The following GSDME variants were observed in gnomAD, a reference collection of about 807,000 sequenced individuals.
GSDME encodes gasdermin-E.
In GSDME, 44 loss-of-function variants were observed where a neutral mutation model predicts 47.5. The observed-to-expected ratio is 0.93, with a 90% CI of 0.73 to 1.19. The LOEUF (loss-of-function observed/expected upper bound fraction) is 1.19, where lower values mean the gene tolerates loss of function less well. GSDME is among the 50% of genes most tolerant of loss of function. The probability of loss-of-function intolerance (pLI) is 0.00; values close to 1 mark genes in which losing one functional copy is unlikely to be tolerated. For synonymous variants in GSDME, 258 were observed against 252.8 expected (o/e 1.02, Z -0.20); for missense variants, 663 against 604.2 (o/e 1.10, Z -1.02).
At chr7:24,701,637 C>A (rs1480003026) in intron 9 of GSDME, among the ~76,000 whole-genome samples, 1 of 152,206 alleles carries the variant, frequency 6.6e-6, no homozygotes. Flanking sequence ...TTGTTTTGCT[C>A]ATCATTGCAT....
Position 24,736,506 on chromosome 7 carries a change from A to C in GSDME, c.404+8056T>G, listed in dbSNP as rs976174907. 6.6e-6 allele frequency among the ~76,000 whole-genome samples: 1 copy of C among 152,198 alleles called. No homozygotes were observed. The highest frequency in any genetic ancestry group is 1.5e-5 in the Non-Finnish European group (1 of 68,016). On this transcript the variant is annotated intron_variant, in intron 3 of 9. Transcript: ENST00000645220. The surrounding 1 kb of genome is among the most constrained non-coding windows in gnomAD (Gnocchi z 4.6). ...TAAATATTTATGTACCCAACACTGG[A>C]GCACCCAGATATATAAAGAAAATAT...
the GSDME span, among the ~76,000 whole-genome samples, chr7:24,772,159 A>G: frequency 6.6e-6 from 1 of 152,124 alleles, no homozygotes; most frequent in African/African-American, 2.4e-5. This position sits in a 1 kb window ranked among gnomAD's most constrained non-coding sequence, Gnocchi z 4.5. Flanking sequence ...TCACTCTGTG[A>G]GGAAGGTGCC....
chr7:24,698,873 A>G lies in GSDME; in HGVS notation c.*153T>C, dbSNP rs1265228540. 8.6e-6 allele frequency: 6 copies of G among 699,130 alleles called. No homozygotes were observed. The Admixed American group carries it at 1.0e-4, about 12-fold the overall frequency. 43.3% of individuals were successfully genotyped at this position (699,130 alleles called of 1,614,324 possible). ...ACTGTTTAAAGAGTACCTGGTGGCT[A>G]AAAGTCAGGTCATTCATCATGCAAA... On this transcript the variant is annotated 3_prime_UTR_variant, in exon 10 of 10. Coordinates refer to ENST00000645220, the MANE Select transcript of GSDME (RefSeq NM_001127453.2).
chr7:24,749,534 T>A, intron 2 of GSDME, 30 bp downstream of exon 2: 3 of 1,432,508 alleles, frequency 2.1e-6, no homozygotes, highest in South Asian at 1.2e-5. Context: ...TTTCCGAGAC[T>A]AATTATAGAA....
chr7:24,771,059 C>A, the GSDME span, among the ~76,000 whole-genome samples: 2 of 151,784 alleles, frequency 1.3e-5, no homozygotes, highest in African/African-American at 4.8e-5. This position sits in a 1 kb window ranked among gnomAD's most constrained non-coding sequence, Gnocchi z 4.1. Context: ...CAGAGAACAC[C>A]AAGCAGGATA....
the GSDME span, among the ~76,000 whole-genome samples, chr7:24,782,298 T>C: frequency 6.8e-6 from 1 of 147,818 alleles, no homozygotes; most frequent in Non-Finnish European, 1.5e-5. Context: ...TTCCCACCTA[T>C]GAGTGAGAAC....
At position 24,735,410 on chromosome 7, in the gene GSDME, T is replaced by C. The variant is rs896151831; in HGVS notation, c.404+9152A>G. 6.6e-5 allele frequency among the ~76,000 whole-genome samples: 10 copies of C among 152,204 alleles called. No homozygotes were observed. The highest frequency in any genetic ancestry group is 1.5e-4 in the Non-Finnish European group (10 of 68,040). ...CTATTATAACACTGTCACTGTGGTA[T>C]GTAAACTACTCATATCTTAAGCAGA... On this transcript the variant is annotated intron_variant, in intron 3 of 9. Transcript: ENST00000645220. This position sits in a 1 kb window ranked among gnomAD's most constrained non-coding sequence, Gnocchi z 4.4.
At chr7:24,730,555 A>G (rs1211416814) in intron 3 of GSDME, among the ~76,000 whole-genome samples, 1 of 152,318 alleles carries the variant, frequency 6.6e-6, no homozygotes, top group East Asian at 1.9e-4. Flanking sequence ...AGTGGCTCAC[A>G]CCTGTAATCC....
chr7:24,717,110 T>A, intron 5 of GSDME, 144 bp downstream of exon 5: 1 of 923,774 alleles, frequency 1.1e-6, no homozygotes, highest in Non-Finnish European at 1.7e-6. Flanking sequence ...GACCATGTCT[T>A]GGGACAATCT....
At chr7:24,708,704 T>C (rs1789225341) in intron 6 of GSDME, among the ~76,000 whole-genome samples, 1 of 152,076 alleles carries the variant, frequency 6.6e-6, no homozygotes, top group Non-Finnish European at 1.5e-5. Context: ...ACATTGCAGA[T>C]TTTCTATCCT....
the GSDME span, among the ~76,000 whole-genome samples, chr7:24,793,784 CTTT>C: frequency 2.8e-5 from 4 of 142,290 alleles, no homozygotes; most frequent in Non-Finnish European, 1.5e-5. Context: ...CCCCCCTTTT[CTTT>C]TTTTTTTTTT....
At chr7:24,792,755 G>A in the GSDME span, among the ~76,000 whole-genome samples, 3 of 152,066 alleles carry the variant, frequency 2.0e-5, no homozygotes, top group African/African-American at 7.2e-5. Context: ...CAGCAGTCTC[G>A]GTGGTTAGCA....
At chr7:24,752,064 G>A (rs969755285) in intron 1 of GSDME, among the ~76,000 whole-genome samples, 2 of 152,214 alleles carry the variant, frequency 1.3e-5, no homozygotes, top group South Asian at 4.1e-4. Context: ...GCCAGGCAAA[G>A]GAGCACTATA....
chr7:24,774,464 T>A, the GSDME span, among the ~76,000 whole-genome samples: 1 of 151,830 alleles, frequency 6.6e-6, no homozygotes, highest in Admixed American at 6.6e-5. Flanking sequence ...GGCTTTAAGA[T>A]CCTGGGTCTG....
intron 2 of GSDME, among the ~76,000 whole-genome samples, chr7:24,748,168 A>ATATTTT (rs1483888057): frequency 8.5e-6 from 1 of 117,498 alleles, no homozygotes; most frequent in African/African-American, 2.9e-5. Context: ...ATATATATAT[A>ATATTTT]TTTTTTTTTG....
In GSDME at chr7:24,725,949, C is replaced by T. The variant is rs976592263; in HGVS notation, c.405-6731G>A. ...CACAGGACAGGAGTTGGATACAAGA[C>T]GCGGATACATTCAAGACAGCAGCTA... On this transcript the variant is annotated intron_variant, in intron 3 of 9. Transcript: ENST00000645220. This position sits in a 1 kb window ranked among gnomAD's most constrained non-coding sequence, Gnocchi z 5.1. Among the ~76,000 whole-genome samples the T allele has an allele frequency of 4.6e-5, 7 of 152,064 alleles. No homozygotes were observed. Among genetic ancestry groups the T allele is most frequent in the Admixed American group, 1.3e-4 (2 of 15,256 alleles).
intron 4 of GSDME, among the ~76,000 whole-genome samples, chr7:24,718,691 G>A (rs375370317): frequency 2.0e-5 from 3 of 152,160 alleles, no homozygotes; most frequent in African/African-American, 7.2e-5. Context: ...TCCCGGGACG[G>A]TCTGGTGAGA....
chr7:24,788,129 CCAAA>C, the GSDME span, among the ~76,000 whole-genome samples: 3 of 152,216 alleles, frequency 2.0e-5, no homozygotes, highest in African/African-American at 7.2e-5. The surrounding 1 kb of genome is among the most constrained non-coding windows in gnomAD (Gnocchi z 4.6). Context: ...GAAAATGCGT[CCAAA>C]CACTCAGACA....
Position 24,744,309 on chromosome 7 carries a change from A to G in GSDME, c.404+253T>C, listed in dbSNP as rs1021009242. 7.5e-6 allele frequency: 4 copies of G among 534,214 alleles called. No homozygotes were observed. In the Admixed American group the frequency reaches 9.4e-5, roughly 13 times the overall value. The allele number at this position is 534,214 out of a possible 1,614,324, so 33.1% of individuals were successfully genotyped here. On this transcript the variant is annotated intron_variant, in intron 3 of 9. Transcript: ENST00000645220. The surrounding 1 kb of genome is among the most constrained non-coding windows in gnomAD (Gnocchi z 4.5). ...TCGCATTTTATAAATCATGTGATTG[A>G]AGGAAGTACATATTTGCCTGAAGTA... is the stretch of plus-strand genomic sequence containing the variant.
Sources: allele counts gnomAD v4.1 joint callset (sites outside exome capture counted in the v4.1 genomes callset), GRCh38; gene constraint gnomAD v4.1.1; non-coding constraint Gnocchi (gnomAD v3.1); transcripts MANE v1.5; gene names NCBI Gene and HGNC (gene_info 2026-07-23, HGNC 2026-07-21).